Variants in ZBTB10 observed in about 807,000 individuals in gnomAD.
ZBTB10 encodes the protein zinc finger and BTB domain-containing protein 10.
In ZBTB10, 32 loss-of-function variants were observed where a neutral mutation model predicts 76.4. That is an observed-to-expected ratio of 0.42 (90% CI 0.32 to 0.56). ZBTB10 has a LOEUF of 0.56. Ranked by LOEUF, ZBTB10 falls within the 20% of genes least tolerant of loss-of-function variation. ZBTB10 has a pLI of 0.14. For missense variants in ZBTB10, 1,057 were observed against 1,098.5 expected, an observed-to-expected ratio of 0.96 and a Z score of 0.53; for synonymous variants, 523 against 432.9, an observed-to-expected ratio of 1.21 and a Z score of -2.58.
rs1361641420 is a variant in ZBTB10, at chr8:80,499,667, G to A, written c.1146G>A (p.Leu382=). 51 of 1,613,822 alleles carry A rather than the reference G, an allele frequency of 3.2e-5. No homozygotes were observed. The highest frequency in any genetic ancestry group is 4.1e-5 in the Non-Finnish European group (48 of 1,179,872). ...GKIFKAHKNI[L]VAGSRFFKTL... ...TCTTCAAAGCTCATAAGAACATCCTGGTTGCAGGCAGCCGTTTCTTTAAGA... is the reference window on the plus strand; with the variant it reads ...TCTTCAAAGCTCATAAGAACATCCTAGTTGCAGGCAGCCGTTTCTTTAAGA... Residue 382 remains leucine (L), a synonymous_variant, in exon 2 of 6, where the codon CTG becomes CTA. Coordinates refer to ENST00000455036, the MANE Select transcript of ZBTB10 (RefSeq NM_001105539.3).
intron 3 of ZBTB10, among the ~76,000 whole-genome samples, chr8:80,517,871 C>CTTTTTTTTTTTTCTT (rs1816365850): frequency 1.3e-5 from 1 of 76,854 alleles, no homozygotes; most frequent in Non-Finnish European, 2.3e-5. Flanking sequence ...CGCCCGCCAC[C>CTTTTTTTTTTTTCTT]TTTTTTTTTT....
At chr8:80,504,536 T>G (rs568789625) in intron 2 of ZBTB10, among the ~76,000 whole-genome samples, 2 of 152,276 alleles carry the variant, frequency 1.3e-5, no homozygotes, top group South Asian at 4.2e-4. Context: ...TATTTGTTGT[T>G]TGACTCACTA....
intron 2 of ZBTB10, 147 bp downstream of exon 2, chr8:80,500,529 A>G (rs1585847515): frequency 3.6e-6 from 3 of 824,364 alleles, no homozygotes; most frequent in Admixed American, 3.4e-5. Flanking sequence ...ATTCAAATGC[A>G]TAACATATTT....
At position 80,523,127 on chromosome 8, in the gene ZBTB10, T is replaced by C. The variant is rs1816482228; in HGVS notation, c.*3599T>C. On this transcript the variant is annotated 3_prime_UTR_variant, in exon 6 of 6. Transcript: ENST00000455036. The stretch of plus-strand genomic sequence containing the variant: ...GTAGGTGCTAATTGTCTCCATTTTA[T>C]AGATGAGGAAAGGCTCAGAGAAATT... 1 of 151,886 alleles carries C rather than the reference T, an allele frequency of 6.6e-6. No individual in the cohort carries two copies. Among genetic ancestry groups the C allele is most frequent in the African/African-American group, 2.4e-5 (1 of 41,396 alleles). The allele number at this position is 151,886 out of a possible 1,614,324, so 9.4% of individuals were successfully genotyped here.
At chr8:80,495,408 TTTG>T (rs1227488532) in intron 1 of ZBTB10, among the ~76,000 whole-genome samples, 1 of 151,838 alleles carries the variant, frequency 6.6e-6, no homozygotes, top group Non-Finnish European at 1.5e-5. Flanking sequence ...GGGTTTTTGT[TTTG>T]TTGTTTTTTT....
At chr8:80,516,893 G>A (rs1010208206) in intron 3 of ZBTB10, among the ~76,000 whole-genome samples, 2 of 152,160 alleles carry the variant, frequency 1.3e-5, no homozygotes. Flanking sequence ...TTTTAAAACC[G>A]TGATGCCCAT....
chr8:80,495,346 A>C (rs564602053), intron 1 of ZBTB10, among the ~76,000 whole-genome samples: 3 of 151,812 alleles, frequency 2.0e-5, no homozygotes, highest in South Asian at 2.1e-4. Flanking sequence ...TTCTTTTACA[A>C]ATCTTAACTT....
chr8:80,496,865 CA>C (rs1815796287), intron 1 of ZBTB10, among the ~76,000 whole-genome samples: 1 of 152,158 alleles, frequency 6.6e-6, no homozygotes, highest in African/African-American at 2.4e-5. Context: ...TTGCTTCTTC[CA>C]AATATTCATA....
In ZBTB10 at chr8:80,525,092, C is replaced by T. The variant is rs1220229691; in HGVS notation, c.*5564C>T. On this transcript the variant is annotated 3_prime_UTR_variant, in exon 6 of 6. Coordinates refer to ENST00000455036, the MANE Select transcript of ZBTB10 (RefSeq NM_001105539.3). Reference sequence around the variant, plus strand: ...TTTAGGAAATTAAGAATTTAGACACCAAGTTTGGCTTAATAGAAAAAGTCA... The same window carrying T: ...TTTAGGAAATTAAGAATTTAGACACTAAGTTTGGCTTAATAGAAAAAGTCA... 6.6e-6 allele frequency: 1 copy of T among 151,936 alleles called. No individual in the cohort carries two copies. The highest frequency in any genetic ancestry group is 2.4e-5 in the African/African-American group (1 of 41,374). 9.4% of individuals were successfully genotyped at this position (151,936 alleles called of 1,614,324 possible). A position where few individuals can be genotyped will look rare whatever the true frequency, so the allele number is the denominator to read the frequency against.
intron 2 of ZBTB10, among the ~76,000 whole-genome samples, chr8:80,513,570 C>T (rs1315063937): frequency 6.6e-6 from 1 of 152,170 alleles, no homozygotes; most frequent in Non-Finnish European, 1.5e-5. Context: ...ATAATTGTAA[C>T]ACTTGGCTTG....
At chr8:80,494,004 T>TA (rs1430543649) in intron 1 of ZBTB10, among the ~76,000 whole-genome samples, 4 of 152,220 alleles carry the variant, frequency 2.6e-5, no homozygotes, top group African/African-American at 9.6e-5. Context: ...TACCAACTGT[T>TA]ATGATTTGTC....
chr8:80,503,589 C>T (rs903874288), intron 2 of ZBTB10, among the ~76,000 whole-genome samples: 1 of 152,056 alleles, frequency 6.6e-6, no homozygotes, highest in African/African-American at 2.4e-5. Flanking sequence ...ATGATTTTGG[C>T]TCACTGAAAC....
intron 1 of ZBTB10, among the ~76,000 whole-genome samples, chr8:80,497,349 G>A (rs183309240): frequency 6.3e-4 from 95 of 151,812 alleles, no homozygotes; most frequent in African/African-American, 2.2e-3. Flanking sequence ...CAAAAATAAG[G>A]GTATTACTCA....
At position 80,499,685 on chromosome 8, in the gene ZBTB10, C is replaced by T; in HGVS notation, c.1164C>T (p.Phe388=). 6.2e-7 allele frequency: 1 copy of T among 1,613,958 alleles called. No individual in the cohort carries two copies. Among genetic ancestry groups the T allele is most frequent in the Non-Finnish European group, 8.5e-7 (1 of 1,179,866 alleles). The change falls in exon 2 of 6, where the codon TTC becomes TTT. Residue 388 remains phenylalanine (F), a synonymous_variant. Coordinates refer to ENST00000455036, the MANE Select transcript of ZBTB10 (RefSeq NM_001105539.3). ...HKNILVAGSR[F]FKTLYCFSNK... is the part of the protein sequence containing the mutation. ...ACATCCTGGTTGCAGGCAGCCGTTT[C>T]TTTAAGACTTTATATTGCTTTTCAA...
chr8:80,487,691 A>G lies in ZBTB10; in HGVS notation c.881A>G (p.Glu294Gly). The G allele has an allele frequency of 6.2e-7, 1 of 1,613,844 alleles. No homozygotes were observed. The highest frequency in any genetic ancestry group is 1.1e-5 in the South Asian group (1 of 91,078). Reference protein sequence around the residue: ...SVDLPPVGHDELSRGTRNYKK... With the variant: ...SVDLPPVGHDGLSRGTRNYKK... Reference sequence around the variant, plus strand: ...GACCTTCCCCCAGTGGGGCATGATGAGCTTTCGCGAGGGACCCGCAACTAC... The same window carrying G: ...GACCTTCCCCCAGTGGGGCATGATGGGCTTTCGCGAGGGACCCGCAACTAC... Residue 294 changes from glutamate (E) to glycine (G), a missense_variant, in exon 1 of 6, where the codon GAG becomes GGG. Glu to Gly is a moderately conservative substitution (Grantham distance 98). Transcript: ENST00000455036.
intron 2 of ZBTB10, among the ~76,000 whole-genome samples, chr8:80,512,058 A>G (rs1325241302): frequency 6.6e-6 from 1 of 152,154 alleles, no homozygotes; most frequent in Non-Finnish European, 1.5e-5. Flanking sequence ...GTATCTATTT[A>G]CTGTTATTTA....
chr8:80,498,880 C>T (rs891560058), intron 1 of ZBTB10, among the ~76,000 whole-genome samples: 4 of 152,106 alleles, frequency 2.6e-5, no homozygotes, highest in Non-Finnish European at 4.4e-5. Flanking sequence ...AGAGATAAAG[C>T]GTTTTGAAAG....
At position 80,487,598 on chromosome 8, in the gene ZBTB10, A is replaced by G; in HGVS notation, c.788A>G (p.Tyr263Cys). The change falls in exon 1 of 6, where the codon TAT (tyrosine) becomes TGT (cysteine). Residue 263 changes from tyrosine to cysteine, a missense_variant. By Grantham distance (194) the Tyr-to-Cys change is radical (BLOSUM62 -2). Coordinates refer to ENST00000455036, the MANE Select transcript of ZBTB10 (RefSeq NM_001105539.3). ...CTCAAGGACTTTCCCTGGCTGCGCTATTCCAAGGATACTGGTCTTATGTCT... is the reference window on the plus strand; with the variant it reads ...CTCAAGGACTTTCCCTGGCTGCGCTGTTCCAAGGATACTGGTCTTATGTCT... Reference protein sequence around the residue: ...SWLKDFPWLRYSKDTGLMSCG... With the variant: ...SWLKDFPWLRCSKDTGLMSCG... The G allele has an allele frequency of 6.2e-7, 1 of 1,613,746 alleles. No homozygotes were observed. The highest frequency in any genetic ancestry group is 8.5e-7 in the Non-Finnish European group (1 of 1,179,774).
intron 1 of ZBTB10, among the ~76,000 whole-genome samples, chr8:80,497,268 G>A (rs1418993234): frequency 6.6e-6 from 1 of 151,336 alleles, no homozygotes; most frequent in Non-Finnish European, 1.5e-5. Context: ...ACAACATACT[G>A]GTTTAATACA....
Sources: gnomAD v4.1 joint callset for allele counts (sites outside exome capture counted in the v4.1 genomes callset) on GRCh38, gnomAD v4.1.1 for gene constraint, MANE v1.5 for transcripts, NCBI Gene and HGNC (gene_info 2026-07-23, HGNC 2026-07-21) for gene names.